SNUPN: variants seen among roughly 807,000 people sequenced by gnomAD.
The protein encoded by SNUPN is snurportin 1.
Under a neutral mutation model 39.2 loss-of-function variants are expected in SNUPN, and 31 were observed. That is an observed-to-expected ratio of 0.79 (90% CI 0.59 to 1.07). The LOEUF (loss-of-function observed/expected upper bound fraction) is 1.07, where lower values mean the gene tolerates loss of function less well. Ranked by LOEUF, SNUPN falls within the 50% of genes least tolerant of loss-of-function variation. The pLI, the probability that SNUPN is intolerant of heterozygous loss-of-function variation, is 0.00. For synonymous variants in SNUPN, 132 were observed against 159.0 expected (o/e 0.83, Z 1.28); for missense variants, 382 against 434.2 (o/e 0.88, Z 1.07).
Position 75,598,238 on chromosome 15 carries a change from T to C in SNUPN, c.*120A>G. The stretch of plus-strand genomic sequence containing the variant: ...AGATTATAGATAAGCTGTTTCCAGC[T>C]GGACTGGGTTTGGAAAGTTCACTCT... On this transcript the variant is annotated 3_prime_UTR_variant, in exon 9 of 9. Coordinates refer to ENST00000308588, the MANE Select transcript of SNUPN (RefSeq NM_005701.4). The C allele has an allele frequency of 1.4e-6, 1 of 738,298 alleles. No homozygotes were observed. Among genetic ancestry groups the C allele is most frequent in the Non-Finnish European group, 2.2e-6 (1 of 458,604 alleles). 45.7% of individuals were successfully genotyped at this position (738,298 alleles called of 1,614,324 possible).
intron 3 of SNUPN, among the ~76,000 whole-genome samples, chr15:75,614,029 C>A (rs1892865521): frequency 1.3e-5 from 2 of 152,168 alleles, no homozygotes; most frequent in African/African-American, 4.8e-5. Flanking sequence ...GTGGCTCACA[C>A]CTGTAATCCC....
intron 3 of SNUPN, among the ~76,000 whole-genome samples, chr15:75,610,677 A>G (rs1401943526): frequency 1.3e-5 from 2 of 152,320 alleles, no homozygotes; most frequent in Non-Finnish European, 1.5e-5. Flanking sequence ...TCAGAGATGA[A>G]TAAGATCCCT....
At chr15:75,603,761 C>T (rs941625143) in intron 7 of SNUPN, among the ~76,000 whole-genome samples, 21 of 151,222 alleles carry the variant, frequency 1.4e-4, no homozygotes, top group Non-Finnish European at 2.8e-4. Flanking sequence ...GTGTTATTCT[C>T]TTGGCCCCAT....
intron 5 of SNUPN, 79 bp from the exon 6 acceptor site, chr15:75,607,392 T>A: frequency 1.1e-6 from 1 of 911,172 alleles, no homozygotes; most frequent in Non-Finnish European, 1.8e-6. Flanking sequence ...GGGAGCCCCA[T>A]CCCAGAGGCT....
chr15:75,622,489 C>A, intron 1 of SNUPN: 1 of 984,822 alleles, frequency 1.0e-6, no homozygotes, highest in Non-Finnish European at 1.2e-6. Flanking sequence ...TTTAGGTGGA[C>A]CCTAAAGAAT....
intron 5 of SNUPN, among the ~76,000 whole-genome samples, chr15:75,609,314 C>T (rs565616139): frequency 2.0e-5 from 3 of 151,352 alleles, no homozygotes; most frequent in Non-Finnish European, 4.4e-5. Flanking sequence ...CTCAGCCTCC[C>T]GAGTAGCTGG....
At chr15:75,606,912 C>T (rs954133457) in intron 6 of SNUPN, among the ~76,000 whole-genome samples, 2 of 152,188 alleles carry the variant, frequency 1.3e-5, no homozygotes, top group African/African-American at 4.8e-5. Flanking sequence ...GAAATCCTCC[C>T]ATACTCTGGA....
At chr15:75,614,915 A>G (rs1308294103) in intron 3 of SNUPN, among the ~76,000 whole-genome samples, 3 of 152,058 alleles carry the variant, frequency 2.0e-5, no homozygotes, top group Admixed American at 2.0e-4. Context: ...TACTATCCCC[A>G]TTTTACAGAT....
At chr15:75,601,750 A>C (rs2075288926) in intron 7 of SNUPN, among the ~76,000 whole-genome samples, 1 of 152,070 alleles carries the variant, frequency 6.6e-6, no homozygotes. Flanking sequence ...TGTCTCAAAA[A>C]CCAAACCAAA....
intron 6 of SNUPN, 21 bp downstream of exon 6, chr15:75,607,195 G>A (rs775718911): frequency 2.7e-5 from 43 of 1,566,136 alleles, no homozygotes; most frequent in Admixed American, 1.3e-4. Flanking sequence ...GAAGAGCCAC[G>A]AGAGGAGGAT....
Position 75,622,607 on chromosome 15 carries a change from G to A in SNUPN, c.-5-1551C>T, listed in dbSNP as rs114622273. ...AAATCTGACTTGCACTGCTGGGCTG[G>A]CCCAGCCCTTTGGTTCTAGTGTAAA... On this transcript the variant is annotated intron_variant, in intron 1 of 8. Coordinates refer to ENST00000308588, the MANE Select transcript of SNUPN (RefSeq NM_005701.4). The A allele has an allele frequency of 2.0e-3, 1,119 of 567,130 alleles. 12 individuals carry two copies. The African/African-American group carries it at 0.021, about 11-fold the overall frequency. The allele number at this position is 567,130 out of a possible 1,614,324, so 35.1% of individuals were successfully genotyped here.
At chr15:75,610,505 G>C (rs1892752645) in intron 3 of SNUPN, among the ~76,000 whole-genome samples, 1 of 151,822 alleles carries the variant, frequency 6.6e-6, no homozygotes, top group Non-Finnish European at 1.5e-5. Context: ...CTGACAGGAT[G>C]ATGGGGGCCA....
At chr15:75,598,799 G>C in intron 8 of SNUPN, 118 bp from the exon 9 acceptor site, 1 of 698,220 alleles carries the variant, frequency 1.4e-6, no homozygotes, top group Non-Finnish European at 2.3e-6. Context: ...GTCACTGACA[G>C]AGGAAAGAGT....
intron 8 of SNUPN, among the ~76,000 whole-genome samples, chr15:75,600,438 C>G (rs1275875798): frequency 6.6e-6 from 1 of 152,018 alleles, no homozygotes; most frequent in African/African-American, 2.4e-5. Context: ...ATACGCCCAG[C>G]TAATTTTTGT....
chr15:75,608,661 T>C (rs995113629), intron 5 of SNUPN, among the ~76,000 whole-genome samples: 1 of 152,174 alleles, frequency 6.6e-6, no homozygotes, highest in Non-Finnish European at 1.5e-5. Flanking sequence ...CTCAGAGACG[T>C]TTCCCCCCAA....
intron 2 of SNUPN, 57 bp from the exon 3 acceptor site, chr15:75,617,609 C>G: frequency 6.6e-7 from 1 of 1,511,966 alleles, no homozygotes; most frequent in South Asian, 1.3e-5. Flanking sequence ...TTTTTTTAGA[C>G]AGGGTCTCGC....
chr15:75,598,236 G>T lies in SNUPN; in HGVS notation c.*122C>A. The T allele has an allele frequency of 2.7e-6, 2 of 731,254 alleles. No individual in the cohort carries two copies. Among genetic ancestry groups the T allele is most frequent in the Admixed American group, 5.8e-5 (2 of 34,304 alleles). The allele number at this position is 731,254 out of a possible 1,614,324, so 45.3% of individuals were successfully genotyped here. On this transcript the variant is annotated 3_prime_UTR_variant, in exon 9 of 9. Coordinates refer to ENST00000308588, the MANE Select transcript of SNUPN (RefSeq NM_005701.4). ...TCAGATTATAGATAAGCTGTTTCCAGCTGGACTGGGTTTGGAAAGTTCACT... is the reference window on the plus strand; with the variant it reads ...TCAGATTATAGATAAGCTGTTTCCATCTGGACTGGGTTTGGAAAGTTCACT...
In SNUPN at chr15:75,605,042, A is replaced by G; in HGVS notation, c.678+108T>C. The G allele has an allele frequency of 4.1e-6, 3 of 734,838 alleles. No individual in the cohort carries two copies. In the South Asian group the frequency reaches 5.0e-5, roughly 12 times the overall value. 45.5% of individuals were successfully genotyped at this position (734,838 alleles called of 1,614,324 possible). On this transcript the variant is annotated intron_variant, in intron 7 of 8. Coordinates refer to ENST00000308588, the MANE Select transcript of SNUPN (RefSeq NM_005701.4). ...TGATTGATACTCTTCCCTTTATACC[A>G]TGCTGCCTCAAAAAAGATCATTTCA...
chr15:75,610,108 G>C (rs978847940), intron 3 of SNUPN, 114 bp from the exon 4 acceptor site: 1 of 826,856 alleles, frequency 1.2e-6, no homozygotes, highest in Non-Finnish European at 2.0e-6. Context: ...GAAAGAATGA[G>C]GGCAGAGAGC....
Sources: gnomAD v4.1 joint callset for allele counts (sites outside exome capture counted in the v4.1 genomes callset) on GRCh38, gnomAD v4.1.1 for gene constraint, MANE v1.5 for transcripts, NCBI Gene and HGNC (gene_info 2026-07-23, HGNC 2026-07-21) for gene names.